FSIP1: variants seen among roughly 807,000 people sequenced by gnomAD.
FSIP1 encodes fibrous sheath interacting protein 1.
In FSIP1, 65 loss-of-function variants were observed where a neutral mutation model predicts 60.9. The observed-to-expected ratio is 1.07, with a 90% CI of 0.87 to 1.31. FSIP1 has a LOEUF of 1.31. Ranked by LOEUF, FSIP1 falls within the 40% of genes most tolerant of loss-of-function variation. The pLI, the probability that FSIP1 is intolerant of heterozygous loss-of-function variation, is 0.00. For synonymous variants in FSIP1, 209 were observed against 221.2 expected (o/e 0.94, Z 0.49); for missense variants, 675 against 665.5 (o/e 1.01, Z -0.16).
intron 10 of FSIP1, among the ~76,000 whole-genome samples, chr15:39,636,574 C>G (rs1888387549): frequency 6.6e-6 from 1 of 152,186 alleles, no homozygotes; most frequent in African/African-American, 2.4e-5. Flanking sequence ...GCTGCTCTAA[C>G]TGGCAAGGGT....
At chr15:39,769,062 G>C (rs28884199) in intron 3 of FSIP1, among the ~76,000 whole-genome samples, 21,664 of 152,006 alleles carry the variant, frequency 0.14, 1,891 homozygotes, top group Admixed American at 0.27. Flanking sequence ...GGCAGATCAC[G>C]AGGTCAGGAG....
intron 2 of FSIP1, among the ~76,000 whole-genome samples, chr15:39,775,084 C>G (rs1363760329): frequency 6.6e-6 from 1 of 152,228 alleles, no homozygotes; most frequent in Non-Finnish European, 1.5e-5. Flanking sequence ...GGCACAATCA[C>G]AACTCATTGC....
chr15:39,667,663 T>A (rs963194308), intron 10 of FSIP1, among the ~76,000 whole-genome samples: 14 of 152,168 alleles, frequency 9.2e-5, no homozygotes, highest in African/African-American at 2.9e-4. Context: ...GAGGCAGTCT[T>A]AGCGGGAGAG....
At chr15:39,779,330 A>G (rs1898169631) in intron 1 of FSIP1, among the ~76,000 whole-genome samples, 1 of 151,596 alleles carries the variant, frequency 6.6e-6, no homozygotes, top group African/African-American at 2.4e-5. Flanking sequence ...CACATCAAGG[A>G]AGTAAGAGTA....
At chr15:39,661,373 C>A (rs947137557) in intron 10 of FSIP1, among the ~76,000 whole-genome samples, 1 of 152,204 alleles carries the variant, frequency 6.6e-6, no homozygotes, top group African/African-American at 2.4e-5. Context: ...CAAATTTTGA[C>A]TCATCTGAGC....
chr15:39,679,265 C>T (rs1043432933), intron 10 of FSIP1, among the ~76,000 whole-genome samples: 4 of 152,134 alleles, frequency 2.6e-5, no homozygotes, highest in African/African-American at 4.8e-5. Context: ...GAATAAGGAA[C>T]CCTGAATATC....
intron 10 of FSIP1, among the ~76,000 whole-genome samples, chr15:39,635,624 G>T (rs1315944263): frequency 6.6e-6 from 1 of 152,064 alleles, no homozygotes; most frequent in Non-Finnish European, 1.5e-5. Flanking sequence ...GCCTCCATTT[G>T]CCAGAAGACC....
intron 11 of FSIP1, 95 bp downstream of exon 11, chr15:39,617,640 T>C (rs1309100832): frequency 5.7e-6 from 6 of 1,049,886 alleles, no homozygotes; most frequent in Non-Finnish European, 8.4e-6. Context: ...CTTACAAACA[T>C]ACCTTCTTAC....
chr15:39,672,165 T>C (rs1054020759), intron 10 of FSIP1, among the ~76,000 whole-genome samples: 1 of 152,238 alleles, frequency 6.6e-6, no homozygotes, highest in Non-Finnish European at 1.5e-5. Context: ...AGTTGCTGAA[T>C]CTGTCCAAGC....
At chr15:39,693,939 T>C (rs1369681950) in intron 10 of FSIP1, among the ~76,000 whole-genome samples, 3 of 151,904 alleles carry the variant, frequency 2.0e-5, no homozygotes, top group Admixed American at 6.6e-5. Flanking sequence ...AATATTCTCA[T>C]CACAAAAAAA....
At position 39,600,848 on chromosome 15, in the gene FSIP1, C is replaced by G. The variant is rs757195285; in HGVS notation, c.*32G>C. 3 of 1,571,390 alleles carry G rather than the reference C, an allele frequency of 1.9e-6. No homozygotes were observed. Among genetic ancestry groups the G allele is most frequent in the South Asian group, 2.3e-5 (2 of 85,428 alleles). On this transcript the variant is annotated 3_prime_UTR_variant, in exon 12 of 12. Coordinates refer to ENST00000350221, the MANE Select transcript of FSIP1 (RefSeq NM_152597.5). Reference sequence around the variant, plus strand: ...AAATTTAATTTAACTTCATTACCAACTTTCTGAAAAGCACACCCAGCAAGT... The same window carrying G: ...AAATTTAATTTAACTTCATTACCAAGTTTCTGAAAAGCACACCCAGCAAGT...
At chr15:39,755,892 G>A (rs1342593416) in intron 5 of FSIP1, among the ~76,000 whole-genome samples, 26 of 152,158 alleles carry the variant, frequency 1.7e-4, no homozygotes, top group Non-Finnish European at 3.5e-4. Context: ...TTGTCTCAAA[G>A]AATATTGAAT....
chr15:39,677,009 T>C (rs1893970672), intron 10 of FSIP1, among the ~76,000 whole-genome samples: 2 of 152,172 alleles, frequency 1.3e-5, no homozygotes, highest in African/African-American at 4.8e-5. Flanking sequence ...GTTCTATTTG[T>C]GAGTGGCAGA....
At chr15:39,744,634 G>A (rs576536639) in intron 5 of FSIP1, among the ~76,000 whole-genome samples, 6 of 152,212 alleles carry the variant, frequency 3.9e-5, no homozygotes, top group Middle Eastern at 3.4e-3. Context: ...GGGAGACCCC[G>A]CACAAAGGAA....
In FSIP1 at chr15:39,780,713, T is replaced by C. The variant is rs1898233833; in HGVS notation, c.-8+1915A>G. On this transcript the variant is annotated intron_variant, in intron 1 of 11. Transcript: ENST00000350221. Reference sequence around the variant, plus strand: ...CTCAAAATGTATCACAGACCTAAAGTAAAACTTCACACTATAAAATTTTCT... The same window carrying C: ...CTCAAAATGTATCACAGACCTAAAGCAAAACTTCACACTATAAAATTTTCT... Among the ~76,000 whole-genome samples, 3 of 152,158 alleles carry C rather than the reference T, an allele frequency of 2.0e-5. No individual in the cohort carries two copies. In the South Asian group the frequency reaches 6.2e-4, roughly 31 times the overall value.
chr15:39,615,728 C>CAAAAA (rs35259437), intron 11 of FSIP1, among the ~76,000 whole-genome samples: 1 of 119,822 alleles, frequency 8.3e-6, no homozygotes, highest in Admixed American at 8.8e-5. Flanking sequence ...ACTAAAAATA[C>CAAAAA]AAAAAAAAAA....
chr15:39,778,495 C>G (rs555757994), intron 1 of FSIP1, among the ~76,000 whole-genome samples: 98 of 152,124 alleles, frequency 6.4e-4, no homozygotes, highest in African/African-American at 2.3e-3. Flanking sequence ...ATTTGGCCAT[C>G]TAGAAAAAGG....
intron 10 of FSIP1, among the ~76,000 whole-genome samples, chr15:39,666,489 A>G (rs1412009116): frequency 6.6e-6 from 1 of 152,226 alleles, no homozygotes; most frequent in East Asian, 1.9e-4. Context: ...TAAACTCCCA[A>G]TTGTTTAAAT....
At chr15:39,658,210 T>TATAAGGTTAATAAAG (rs1346743372) in intron 10 of FSIP1, among the ~76,000 whole-genome samples, 1 of 151,950 alleles carries the variant, frequency 6.6e-6, no homozygotes, top group Non-Finnish European at 1.5e-5. Context: ...ACCAATATTA[T>TATAAGGTTAATAAAG]ATAAGGAAAT....
Sources: gnomAD v4.1 joint callset for allele counts (sites outside exome capture counted in the v4.1 genomes callset) on GRCh38, gnomAD v4.1.1 for gene constraint, MANE v1.5 for transcripts, NCBI Gene and HGNC (gene_info 2026-07-23, HGNC 2026-07-21) for gene names.